The following SLC35F1 variants were observed in gnomAD, a reference collection of about 807,000 sequenced individuals.
SLC35F1 encodes the protein solute carrier family 35 member F1, also known as chromosome 6 open reading frame 169.
A neutral mutation model predicts 48.7 loss-of-function variants in SLC35F1; 14 were observed. The ratio of observed to expected loss-of-function variants is 0.29; its 90% CI spans 0.19 to 0.45. SLC35F1 has a LOEUF of 0.45. Among genes scored for constraint, SLC35F1 ranks in the 20% least tolerant of loss-of-function variants. SLC35F1 has a pLI of 1.00. For missense variants in SLC35F1, 404 were observed against 500.0 expected, an observed-to-expected ratio of 0.81 and a Z score of 1.83; for synonymous variants, 190 against 202.2, an observed-to-expected ratio of 0.94 and a Z score of 0.51.
At chr6:118,078,744 GC>G (rs1772861365) in intron 1 of SLC35F1, among the ~76,000 whole-genome samples, 1 of 152,270 alleles carries the variant, frequency 6.6e-6, no homozygotes, top group Admixed American at 6.5e-5. Flanking sequence ...GTGTCAAGGT[GC>G]AGAAAGAAGC....
intron 2 of SLC35F1, among the ~76,000 whole-genome samples, chr6:118,182,520 GA>G (rs1774594928): frequency 3.5e-4 from 2 of 5,780 alleles, no homozygotes; most frequent in Admixed American, 3.0e-3. Context: ...GAGAGAGAGA[GA>G]AGGAAGGAAG....
intron 1 of SLC35F1, among the ~76,000 whole-genome samples, chr6:118,010,024 G>T (rs17079644): frequency 0.01 from 1,566 of 152,242 alleles, 24 homozygotes; most frequent in African/African-American, 0.036. Flanking sequence ...GAAACTGTGT[G>T]CATATTTGAT....
intron 1 of SLC35F1, among the ~76,000 whole-genome samples, chr6:117,966,600 G>A (rs933411858): frequency 2.0e-5 from 3 of 151,978 alleles, no homozygotes; most frequent in African/African-American, 4.8e-5. Context: ...ACGAGGGTCC[G>A]TGGCTTCATT....
intron 3 of SLC35F1, among the ~76,000 whole-genome samples, chr6:118,242,663 A>G (rs1370620768): frequency 2.0e-5 from 3 of 152,250 alleles, no homozygotes; most frequent in Non-Finnish European, 1.5e-5. Context: ...TAACTGTGCT[A>G]TATGAACCAT....
At chr6:118,079,211 T>C (rs1477035812) in intron 1 of SLC35F1, among the ~76,000 whole-genome samples, 1 of 152,156 alleles carries the variant, frequency 6.6e-6, no homozygotes, top group African/African-American at 2.4e-5. Flanking sequence ...TTTCCCTTCC[T>C]CTCAGCTCTT....
At chr6:118,006,357 C>T (rs1325634490) in intron 1 of SLC35F1, among the ~76,000 whole-genome samples, 2 of 152,124 alleles carry the variant, frequency 1.3e-5, no homozygotes, top group Non-Finnish European at 2.9e-5. Flanking sequence ...TGGCACATAC[C>T]TGTAATCCCA....
chr6:118,150,449 A>T (rs1175083337), intron 1 of SLC35F1, among the ~76,000 whole-genome samples: 1 of 152,208 alleles, frequency 6.6e-6, no homozygotes, highest in South Asian at 2.1e-4. Flanking sequence ...GTATTCTCTT[A>T]TATAACTAAT....
chr6:118,235,635 A>G lies in SLC35F1; in HGVS notation c.476A>G (p.Gln159Arg), dbSNP rs1301011964. 6.2e-7 allele frequency: 1 copy of G among 1,611,598 alleles called. No homozygotes were observed. The highest frequency in any genetic ancestry group is 1.1e-5 in the South Asian group (1 of 90,638). Residue 159 changes from glutamine to arginine, a missense_variant and splice_region_variant, in exon 3 of 8, where the codon CAG (glutamine) becomes CGG (arginine). By Grantham distance (43) the Gln-to-Arg change is conservative. Coordinates refer to ENST00000360388, the MANE Select transcript of SLC35F1 (RefSeq NM_001029858.4). ...AYQYTTLTSI[Q>R]LLDCFVIPVV... Reference sequence around the variant, plus strand: ...CAATACACAACTCTGACCAGTATCCAGGTACCCATGGTTCTTCTTCCCTTC... The same window carrying G: ...CAATACACAACTCTGACCAGTATCCGGGTACCCATGGTTCTTCTTCCCTTC...
At chr6:118,235,379 T>C (rs889082786) in intron 2 of SLC35F1, 130 bp from the exon 3 acceptor site, 5 of 934,278 alleles carry the variant, frequency 5.4e-6, no homozygotes, top group Non-Finnish European at 7.7e-6. Flanking sequence ...TACGTTGATT[T>C]ATTTGTTTAA....
At chr6:118,234,817 G>T (rs1348216136) in intron 2 of SLC35F1, among the ~76,000 whole-genome samples, 2 of 152,238 alleles carry the variant, frequency 1.3e-5, no homozygotes, top group South Asian at 4.2e-4. Flanking sequence ...TTTATCTCAG[G>T]CCTGAAATAT....
rs377460049 is a variant in SLC35F1, at chr6:117,923,797, A to G, written c.173+15898A>G. On this transcript the variant is annotated intron_variant, in intron 1 of 7. Coordinates refer to ENST00000360388, the MANE Select transcript of SLC35F1 (RefSeq NM_001029858.4). ...TATGTATATATACATATATGTACAT[A>G]TATACATATACACATACATATGTAT... Among the ~76,000 whole-genome samples, 5 of 139,392 alleles carry G rather than the reference A, an allele frequency of 3.6e-5. 1 individual carries two copies. In the East Asian group the frequency reaches 6.4e-4, roughly 18 times the overall value. 91.4% of individuals were successfully genotyped at this position (139,392 alleles called of 152,430 possible).
At chr6:118,122,508 C>T (rs1773566223) in intron 1 of SLC35F1, among the ~76,000 whole-genome samples, 1 of 152,208 alleles carries the variant, frequency 6.6e-6, no homozygotes, top group South Asian at 2.1e-4. Flanking sequence ...AATTTAACCC[C>T]AGCAATGGGA....
intron 1 of SLC35F1, among the ~76,000 whole-genome samples, chr6:118,069,467 C>T (rs1472131754): frequency 6.6e-6 from 1 of 151,984 alleles, no homozygotes; most frequent in Admixed American, 6.6e-5. Context: ...GGCTCTTTCT[C>T]CTGGAATATG....
chr6:118,306,109 C>T (rs1419704125), intron 7 of SLC35F1, among the ~76,000 whole-genome samples: 1 of 152,120 alleles, frequency 6.6e-6, no homozygotes, highest in African/African-American at 2.4e-5. Context: ...TAAGTTCAGC[C>T]ACACAGCCAG....
At chr6:118,216,271 A>G (rs1261533586) in intron 2 of SLC35F1, among the ~76,000 whole-genome samples, 1 of 151,414 alleles carries the variant, frequency 6.6e-6, no homozygotes, top group East Asian at 1.9e-4. Context: ...TTGTAGAGAC[A>G]AAATCTCACT....
At chr6:118,205,040 G>A (rs1016690487) in intron 2 of SLC35F1, among the ~76,000 whole-genome samples, 1 of 152,182 alleles carries the variant, frequency 6.6e-6, no homozygotes. Context: ...TTTTGTCAGG[G>A]TTTCTTTGGC....
intron 1 of SLC35F1, among the ~76,000 whole-genome samples, chr6:118,108,958 G>C (rs1277142175): frequency 6.6e-6 from 1 of 152,078 alleles, no homozygotes; most frequent in Non-Finnish European, 1.5e-5. Context: ...TCCTTTGAAG[G>C]CATTTCTTCT....
rs182817265 is a variant in SLC35F1, at chr6:118,014,667, C to T, written c.173+106768C>T. Among the ~76,000 whole-genome samples, 18 of 152,130 alleles carry T rather than the reference C, an allele frequency of 1.2e-4. No homozygotes were observed. In the East Asian group the frequency reaches 3.5e-3, roughly 29 times the overall value. On this transcript the variant is annotated intron_variant, in intron 1 of 7. Coordinates refer to ENST00000360388, the MANE Select transcript of SLC35F1 (RefSeq NM_001029858.4). ...TCTGGGAGCAGAAGTTGGAGGTTAA[C>T]TGAAAGCCAAAGGAGAGAAATGCCA...
chr6:118,312,045 A>G (rs1776378278), intron 7 of SLC35F1, among the ~76,000 whole-genome samples: 2 of 152,194 alleles, frequency 1.3e-5, no homozygotes, highest in Admixed American at 1.3e-4. Flanking sequence ...GGAAAGGTTA[A>G]GAAATGTGTC....
Sources: gnomAD v4.1 joint callset for allele counts (sites outside exome capture counted in the v4.1 genomes callset) on GRCh38, gnomAD v4.1.1 for gene constraint, MANE v1.5 for transcripts, NCBI Gene and HGNC (gene_info 2026-07-23, HGNC 2026-07-21) for gene names.